Variants in SUMF1 observed in about 807,000 individuals in gnomAD.
The protein encoded by SUMF1 is sulfatase modifying factor 1, also known as formylglycine-generating enzyme.
In SUMF1, 48 loss-of-function variants were observed where a neutral mutation model predicts 47.6. That is an observed-to-expected ratio of 1.01 (90% confidence interval 0.80 to 1.28). SUMF1 has a LOEUF of 1.28. SUMF1 is among the 50% of genes most tolerant of loss of function. The probability of loss-of-function intolerance (pLI) is 0.00; values close to 1 mark genes in which losing one functional copy is unlikely to be tolerated. For synonymous variants in SUMF1, 230 were observed against 192.1 expected, an observed-to-expected ratio of 1.20 and a Z score of -1.63; for missense variants, 571 against 485.4, an observed-to-expected ratio of 1.18 and a Z score of -1.66.
intron 8 of SUMF1, among the ~76,000 whole-genome samples, chr3:4,273,735 G>A (rs1283555927): frequency 1.4e-5 from 1 of 71,770 alleles, no homozygotes; most frequent in Non-Finnish European, 2.8e-5. Flanking sequence ...ATACGGGAGG[G>A]AGGATACGGG....
At chr3:4,374,849 C>A (rs940909235) in intron 8 of SUMF1, among the ~76,000 whole-genome samples, 1 of 152,046 alleles carries the variant, frequency 6.6e-6, no homozygotes, top group African/African-American at 2.4e-5. Flanking sequence ...TGGGACAATG[C>A]TTTTAATTTA....
chr3:4,368,611 G>C (rs1221494943), intron 8 of SUMF1, among the ~76,000 whole-genome samples: 3 of 152,134 alleles, frequency 2.0e-5, no homozygotes, highest in Non-Finnish European at 1.5e-5. Flanking sequence ...TGACAGACTG[G>C]ATTAAGAAAA....
intron 8 of SUMF1, among the ~76,000 whole-genome samples, chr3:4,166,218 T>C (rs1289217411): frequency 6.6e-6 from 1 of 152,106 alleles, no homozygotes; most frequent in African/African-American, 2.4e-5. Flanking sequence ...TTTCCCCTGT[T>C]AGTACTGGGA....
intron 7 of SUMF1, among the ~76,000 whole-genome samples, chr3:4,384,391 G>T (rs1432364581): frequency 6.6e-6 from 1 of 152,202 alleles, no homozygotes. Flanking sequence ...CAACCAGGAT[G>T]TTGACACTGA....
intron 7 of SUMF1, among the ~76,000 whole-genome samples, chr3:4,404,798 T>C (rs1268272127): frequency 1.3e-5 from 2 of 151,832 alleles, no homozygotes; most frequent in East Asian, 1.9e-4. Context: ...AAAAAACACA[T>C]GAGTGAAGGT....
At chr3:4,319,213 C>G (rs1254463083) in intron 8 of SUMF1, among the ~76,000 whole-genome samples, 1 of 152,194 alleles carries the variant, frequency 6.6e-6, no homozygotes, top group Non-Finnish European at 1.5e-5. Flanking sequence ...CTTAAAAGAG[C>G]TAGGCATAGC....
chr3:4,072,597 AG>A (rs1695556278), intron 8 of SUMF1, among the ~76,000 whole-genome samples: 1 of 152,308 alleles, frequency 6.6e-6, no homozygotes, highest in South Asian at 2.1e-4. Context: ...AACAGGTTAA[AG>A]GAATGGCTAA....
chr3:4,182,373 ATATC>A (rs1483582890), intron 8 of SUMF1, among the ~76,000 whole-genome samples: 8 of 149,828 alleles, frequency 5.3e-5, no homozygotes, highest in African/African-American at 1.9e-4. Context: ...CTTCCAAGTT[ATATC>A]TATTAATAAA....
intron 8 of SUMF1, among the ~76,000 whole-genome samples, chr3:4,204,074 G>A (rs1695599136): frequency 6.6e-6 from 1 of 151,970 alleles, no homozygotes; most frequent in Admixed American, 6.6e-5. Flanking sequence ...TATTATCCAT[G>A]AGTTTTGTGC....
intron 1 of SUMF1, 44 bp downstream of exon 1, chr3:4,466,932 G>C (rs193070738): frequency 6.3e-7 from 1 of 1,597,276 alleles, no homozygotes; most frequent in Non-Finnish European, 8.5e-7. Context: ...CCCCGTCCAG[G>C]AACCGAGCAG....
chr3:4,222,986 AG>A (rs1186428069), intron 8 of SUMF1, among the ~76,000 whole-genome samples: 3 of 152,170 alleles, frequency 2.0e-5, no homozygotes, highest in African/African-American at 7.2e-5. Flanking sequence ...TAATCTGCAT[AG>A]GATGAGGGTG....
At chr3:4,043,059 T>G (rs1361966623) in intron 9 of SUMF1, among the ~76,000 whole-genome samples, 3 of 152,126 alleles carry the variant, frequency 2.0e-5, no homozygotes, top group Non-Finnish European at 2.9e-5. Flanking sequence ...AGAGCAGAGT[T>G]GAGCATTCGT....
In SUMF1 at chr3:4,284,471, GAGA is replaced by G. The variant is rs1420131727; in HGVS notation, c.1014+91856_1014+91858del. ...GGAGGAGGAGGAGGAGGAGGAGGAG[GAGA>G]AGGAGGAGGAGGAGGAGAGAAAGTA... On this transcript the variant is annotated intron_variant and NMD_transcript_variant, in intron 8 of 12. Coordinates refer to the SUMF1 transcript ENST00000448413. Among the ~76,000 whole-genome samples the G allele has an allele frequency of 8.8e-3, 1,261 of 143,212 alleles. 64 individuals are homozygous for G. The highest frequency in any genetic ancestry group is 0.02 in the African/African-American group (760 of 38,410). 94.0% of individuals were successfully genotyped at this position (143,212 alleles called of 152,430 possible). A position where few individuals can be genotyped will look rare whatever the true frequency, so the allele number is the denominator to read the frequency against.
chr3:4,328,694 C>T (rs766576866), intron 8 of SUMF1, among the ~76,000 whole-genome samples: 6 of 152,050 alleles, frequency 3.9e-5, no homozygotes, highest in Non-Finnish European at 8.8e-5. Flanking sequence ...TCATTCTGCC[C>T]CTCACCCCTA....
rs113490550 is a variant in SUMF1, at chr3:4,408,952, A to G, written c.954+1913T>C. 2.5e-3 allele frequency among the ~76,000 whole-genome samples: 378 copies of G among 152,052 alleles called. 3 individuals carry two copies. Among genetic ancestry groups the G allele is most frequent in the African/African-American group, 8.6e-3 (355 of 41,424 alleles). On this transcript the variant is annotated intron_variant, in intron 7 of 8. Transcript: ENST00000272902. ...ACTCCAGCCTGAGGGATAGAGCGAG[A>G]CTCTCTCAAAAAATAAAAATTAAAA...
chr3:4,413,601 A>G (rs1701614783), intron 6 of SUMF1, among the ~76,000 whole-genome samples: 1 of 152,100 alleles, frequency 6.6e-6, no homozygotes, highest in Non-Finnish European at 1.5e-5. Context: ...TGTATATGAG[A>G]ATACTCCTGG....
intron 8 of SUMF1, among the ~76,000 whole-genome samples, chr3:4,184,848 C>T (rs1695168315): frequency 6.6e-6 from 1 of 151,932 alleles, no homozygotes; most frequent in Non-Finnish European, 1.5e-5. Context: ...GGGGGTTTTG[C>T]CTTGTTGGCC....
intron 8 of SUMF1, among the ~76,000 whole-genome samples, chr3:4,253,429 G>A (rs1406191393): frequency 1.3e-5 from 2 of 152,196 alleles, no homozygotes; most frequent in Non-Finnish European, 2.9e-5. Context: ...CGGAAGCAGG[G>A]CGAGGCATTG....
At chr3:4,234,465 T>C (rs1024946716) in intron 8 of SUMF1, among the ~76,000 whole-genome samples, 2 of 152,132 alleles carry the variant, frequency 1.3e-5, no homozygotes, top group African/African-American at 2.4e-5. Flanking sequence ...CCTATGTAGA[T>C]GCTGGATGGT....
Sources: allele counts gnomAD v4.1 joint callset (sites outside exome capture counted in the v4.1 genomes callset), GRCh38; gene constraint gnomAD v4.1.1; transcripts MANE v1.5; gene names NCBI Gene and HGNC (gene_info 2026-07-23, HGNC 2026-07-21).